IQCB1: variants seen among roughly 807,000 people sequenced by gnomAD.
IQCB1 encodes the protein IQ calmodulin-binding motif-containing protein 1.
A neutral mutation model predicts 84.4 loss-of-function variants in IQCB1; 56 were observed. That is an observed-to-expected ratio of 0.66 (90% confidence interval 0.54 to 0.83). The LOEUF (loss-of-function observed/expected upper bound fraction) is 0.83. Ranked by LOEUF, IQCB1 falls within the 40% of genes least tolerant of loss-of-function variation. The probability of loss-of-function intolerance (pLI) is 0.00; values close to 1 mark genes in which losing one functional copy is unlikely to be tolerated. For missense variants in IQCB1, 629 were observed against 682.1 expected (o/e 0.92, Z 0.87); for synonymous variants, 210 against 234.8 (o/e 0.89, Z 0.96).
intron 5 of IQCB1, 132 bp from the exon 6 acceptor site, chr3:121,809,141 G>A: frequency 1.6e-6 from 1 of 619,650 alleles, no homozygotes; most frequent in South Asian, 1.9e-5. Flanking sequence ...TGAGGGACAT[G>A]ATTTTGTTGC....
intron 5 of IQCB1, among the ~76,000 whole-genome samples, chr3:121,821,468 C>G (rs1404586123): frequency 2.6e-5 from 4 of 152,184 alleles, no homozygotes; most frequent in African/African-American, 9.6e-5. Flanking sequence ...TGGAATCACT[C>G]TTGTTCACAT....
At chr3:121,813,492 G>T (rs1035171745) in intron 5 of IQCB1, among the ~76,000 whole-genome samples, 1 of 152,158 alleles carries the variant, frequency 6.6e-6, no homozygotes, top group Non-Finnish European at 1.5e-5. Context: ...TGTATAAACT[G>T]TCTAAACCCA....
chr3:121,800,441 A>T (rs955097023), intron 7 of IQCB1, among the ~76,000 whole-genome samples: 10 of 152,084 alleles, frequency 6.6e-5, no homozygotes, highest in Middle Eastern at 3.4e-3. Flanking sequence ...CATACCTTAA[A>T]TGTAAAAATC....
At chr3:121,770,659 T>C in intron 14 of IQCB1, 85 bp from the exon 15 acceptor site, 1 of 1,015,568 alleles carries the variant, frequency 9.8e-7, no homozygotes, top group Non-Finnish European at 1.5e-6. Context: ...GCTGTAACTC[T>C]GCAGGCAGAA....
chr3:121,826,587 T>C (rs1950473667), intron 4 of IQCB1, among the ~76,000 whole-genome samples: 1 of 152,172 alleles, frequency 6.6e-6, no homozygotes, highest in Non-Finnish European at 1.5e-5. Flanking sequence ...CAAGTAGGAT[T>C]TGTTTGCAAG....
At chr3:121,788,174 G>A in intron 12 of IQCB1, 110 bp downstream of exon 12, 1 of 1,117,456 alleles carries the variant, frequency 8.9e-7, no homozygotes. Context: ...TAAGGCTCAA[G>A]AAAACTAAGT....
chr3:121,811,364 C>A (rs1442463309), intron 5 of IQCB1, among the ~76,000 whole-genome samples: 1 of 152,184 alleles, frequency 6.6e-6, no homozygotes, highest in Non-Finnish European at 1.5e-5. Flanking sequence ...ACTGAGCTAG[C>A]TGCACGAGTT....
Position 121,828,476 on chromosome 3 carries a change from A to G in IQCB1, c.257T>C (p.Ile86Thr), listed in dbSNP as rs1950528188. The G allele has an allele frequency of 1.2e-6, 2 of 1,612,460 alleles. No homozygotes were observed. Among genetic ancestry groups the G allele is most frequent in the Non-Finnish European group, 8.5e-7 (1 of 1,178,722 alleles). The change falls in exon 4 of 15, where the codon ATA becomes ACA. Residue 86 changes from isoleucine to threonine, a missense_variant. Transcript: ENST00000310864. ...ACTTACTGCTTTATTTTACCTTAAT[A>G]TCTGTGTAAGCTGGGAAATTGTAGT... ...GWTTISQLTQ[I>T]LSHCCVGLEP...
At chr3:121,792,037 G>T (rs900047107) in intron 10 of IQCB1, among the ~76,000 whole-genome samples, 4 of 152,112 alleles carry the variant, frequency 2.6e-5, no homozygotes, top group Non-Finnish European at 5.9e-5. Context: ...AGTGAGCCAA[G>T]ATCGTGCCAC....
intron 5 of IQCB1, among the ~76,000 whole-genome samples, chr3:121,814,219 T>C (rs1949958761): frequency 6.6e-6 from 1 of 152,160 alleles, no homozygotes; most frequent in African/African-American, 2.4e-5. Context: ...TTGAAACCAA[T>C]GAGAACAAAG....
chr3:121,783,548 T>C (rs1480976426), intron 12 of IQCB1, among the ~76,000 whole-genome samples: 1 of 152,256 alleles, frequency 6.6e-6, no homozygotes, highest in East Asian at 1.9e-4. Context: ...TAATTCTCTT[T>C]TCTCCCATGC....
At chr3:121,778,716 G>C (rs1948342786) in intron 13 of IQCB1, among the ~76,000 whole-genome samples, 1 of 151,860 alleles carries the variant, frequency 6.6e-6, no homozygotes, top group Non-Finnish European at 1.5e-5. Flanking sequence ...GACCAGCCTG[G>C]TAAACATGGT....
rs757143428 is a variant in IQCB1, at chr3:121,781,880, A to G, written c.1279-6T>C. Reference sequence around the variant, plus strand: ...TTCGCTAGGAATTTAAGCGCCTGGAAGAAAAAAAATTGAAGGTTTGTGATT... The same window carrying G: ...TTCGCTAGGAATTTAAGCGCCTGGAGGAAAAAAAATTGAAGGTTTGTGATT... On this transcript the variant is annotated splice_region_variant and splice_polypyrimidine_tract_variant and intron_variant, in intron 12 of 14. Transcript: ENST00000310864. 9 of 1,612,470 alleles carry G rather than the reference A, an allele frequency of 5.6e-6. No individual in the cohort carries two copies. Among genetic ancestry groups the G allele is most frequent in the Non-Finnish European group, 7.6e-6 (9 of 1,178,976 alleles).
chr3:121,807,588 AAG>A (rs1377803043), intron 6 of IQCB1, 145 bp from the exon 7 acceptor site: 2 of 564,212 alleles, frequency 3.5e-6, no homozygotes, highest in African/African-American at 3.8e-5. Flanking sequence ...AGAAGACTTT[AAG>A]ATGTAAAATT....
At chr3:121,793,536 T>C (rs968441485) in intron 10 of IQCB1, among the ~76,000 whole-genome samples, 2 of 152,014 alleles carry the variant, frequency 1.3e-5, no homozygotes, top group Non-Finnish European at 2.9e-5. Context: ...TTGCATGAAC[T>C]GTTACAACTA....
intron 7 of IQCB1, among the ~76,000 whole-genome samples, chr3:121,804,925 T>C (rs577980819): frequency 6.6e-5 from 10 of 152,308 alleles, no homozygotes; most frequent in Admixed American, 2.0e-4. Context: ...TCATTTTGGA[T>C]AGTTTCTACT....
intron 12 of IQCB1, among the ~76,000 whole-genome samples, chr3:121,786,170 C>CAA (rs1948712140): frequency 1.4e-5 from 1 of 72,848 alleles, no homozygotes; most frequent in Non-Finnish European, 2.5e-5. Flanking sequence ...GATTCTGTCT[C>CAA]AAAAGAAAAG....
intron 2 of IQCB1, among the ~76,000 whole-genome samples, chr3:121,832,192 C>T (rs560849691): frequency 3.9e-5 from 6 of 152,048 alleles, no homozygotes; most frequent in Non-Finnish European, 7.4e-5. Flanking sequence ...ATATTTCTAT[C>T]GGTTTGTCTT....
chr3:121,833,617 T>C (rs747511947), intron 2 of IQCB1, among the ~76,000 whole-genome samples: 2 of 152,220 alleles, frequency 1.3e-5, no homozygotes, highest in Non-Finnish European at 2.9e-5. Flanking sequence ...AAGAAAAGTA[T>C]GTTTATGTAC....
Sources: allele counts gnomAD v4.1 joint callset (sites outside exome capture counted in the v4.1 genomes callset), GRCh38; gene constraint gnomAD v4.1.1; transcripts MANE v1.5; gene names NCBI Gene and HGNC (gene_info 2026-07-23, HGNC 2026-07-21).